The following TINAG variants were observed in gnomAD, a reference collection of about 807,000 sequenced individuals.
TINAG encodes tubulointerstitial nephritis antigen.
Under a neutral mutation model 72.7 loss-of-function variants are expected in TINAG, and 83 were observed. The ratio of observed to expected loss-of-function variants is 1.14; its 90% CI spans 0.96 to 1.37. The LOEUF (loss-of-function observed/expected upper bound fraction) is 1.37. Among genes scored for constraint, TINAG ranks in the 40% most tolerant of loss-of-function variants. The pLI is 0.00. For synonymous variants in TINAG, 234 were observed against 189.9 expected (o/e 1.23, Z -1.91); for missense variants, 685 against 576.6 (o/e 1.19, Z -1.93).
intron 9 of TINAG, among the ~76,000 whole-genome samples, chr6:54,360,028 C>G (rs1162606855): frequency 1.3e-5 from 2 of 151,770 alleles, no homozygotes; most frequent in African/African-American, 4.8e-5. Context: ...ATTTGATCTT[C>G]TATCAAGTGC....
chr6:54,319,304 T>C (rs1267855009), intron 1 of TINAG, among the ~76,000 whole-genome samples: 1 of 152,200 alleles, frequency 6.6e-6, no homozygotes, highest in Non-Finnish European at 1.5e-5. Context: ...AGAATCTCTT[T>C]AAATTAGAAA....
chr6:54,345,713 T>G (rs1263776890), intron 5 of TINAG, among the ~76,000 whole-genome samples: 2 of 152,010 alleles, frequency 1.3e-5, no homozygotes, highest in African/African-American at 4.8e-5. Flanking sequence ...TATATCCTAG[T>G]GCAATAGTAG....
intron 9 of TINAG, among the ~76,000 whole-genome samples, chr6:54,379,404 A>G (rs1763878108): frequency 6.6e-6 from 1 of 152,198 alleles, no homozygotes; most frequent in Non-Finnish European, 1.5e-5. Context: ...AGAAAAATGA[A>G]ATCGTGTACG....
intron 4 of TINAG, among the ~76,000 whole-genome samples, chr6:54,342,671 A>C (rs1412260153): frequency 6.6e-6 from 1 of 152,144 alleles, no homozygotes; most frequent in Non-Finnish European, 1.5e-5. Context: ...CCCAGTCCTG[A>C]AGTCCTTTTT....
At chr6:54,336,877 C>A (rs1361682839) in intron 4 of TINAG, among the ~76,000 whole-genome samples, 1 of 151,910 alleles carries the variant, frequency 6.6e-6, no homozygotes, top group South Asian at 2.1e-4. Flanking sequence ...TTGTTTGAGT[C>A]AATCTCATAG....
At chr6:54,327,054 C>T in intron 4 of TINAG, 138 bp downstream of exon 4, 1 of 1,540,900 alleles carries the variant, frequency 6.5e-7, no homozygotes, top group Non-Finnish European at 8.7e-7. Flanking sequence ...ATAAAAAACC[C>T]TTTCCCTAAA....
At chr6:54,324,973 CCT>C (rs1784571011) in intron 3 of TINAG, among the ~76,000 whole-genome samples, 1 of 152,112 alleles carries the variant, frequency 6.6e-6, no homozygotes, top group East Asian at 1.9e-4. Flanking sequence ...GTTTTCAGCC[CCT>C]GTGTCCCTAT....
intron 9 of TINAG, among the ~76,000 whole-genome samples, chr6:54,357,835 T>C (rs1763102040): frequency 6.6e-6 from 1 of 151,846 alleles, no homozygotes; most frequent in African/African-American, 2.4e-5. Flanking sequence ...GAAAACAGGG[T>C]TTTCCTTTTA....
At chr6:54,315,955 G>A (rs2840121) in intron 1 of TINAG, among the ~76,000 whole-genome samples, 66,455 of 151,958 alleles carry the variant, frequency 0.44, 16,094 homozygotes, top group Middle Eastern at 0.58. Flanking sequence ...TTACAATGAA[G>A]GTAAATCACA....
chr6:54,334,728 T>C (rs1784819966), intron 4 of TINAG, among the ~76,000 whole-genome samples: 1 of 152,194 alleles, frequency 6.6e-6, no homozygotes, highest in African/African-American at 2.4e-5. Flanking sequence ...TGGCCAATGC[T>C]AATTGGAACT....
chr6:54,345,539 T>G (rs1304161792), intron 5 of TINAG, among the ~76,000 whole-genome samples: 2 of 152,154 alleles, frequency 1.3e-5, no homozygotes, highest in Non-Finnish European at 2.9e-5. Flanking sequence ...AAAAGTATTT[T>G]CTGAATGAAA....
intron 9 of TINAG, among the ~76,000 whole-genome samples, chr6:54,359,992 T>C (rs774443329): frequency 4.7e-4 from 71 of 151,842 alleles, no homozygotes; most frequent in Admixed American, 1.1e-3. Flanking sequence ...GGTGAAACTA[T>C]TAGATTAAAC....
chr6:54,337,006 CTTTA>C (rs1784880066), intron 4 of TINAG, among the ~76,000 whole-genome samples: 1 of 151,592 alleles, frequency 6.6e-6, no homozygotes, highest in African/African-American at 2.4e-5. Context: ...TAAAATAATA[CTTTA>C]TTTATTTTAT....
Position 54,387,800 on chromosome 6 carries a change from A to G in TINAG, c.1297-1991A>G, listed in dbSNP as rs145565992. On this transcript the variant is annotated intron_variant, in intron 10 of 10. Transcript: ENST00000259782. ...ATTTCCTTTATAATTAAATACAAAC[A>G]AATGTAGGCATTTGGAAGAAACAAA... Among the ~76,000 whole-genome samples the G allele has an allele frequency of 7.7e-3, 1,167 of 152,328 alleles. 14 individuals are homozygous for G. Among genetic ancestry groups the G allele is most frequent in the African/African-American group, 0.025 (1,051 of 41,582 alleles).
intron 1 of TINAG, among the ~76,000 whole-genome samples, chr6:54,315,653 G>T (rs1784355375): frequency 6.6e-6 from 1 of 151,248 alleles, no homozygotes; most frequent in Non-Finnish European, 1.5e-5. Flanking sequence ...CTCTAGCCTG[G>T]ATGACAGAAT....
intron 4 of TINAG, among the ~76,000 whole-genome samples, chr6:54,341,562 C>T (rs1784996379): frequency 6.6e-6 from 1 of 151,932 alleles, no homozygotes; most frequent in Non-Finnish European, 1.5e-5. Context: ...ACTGAACTCC[C>T]CTATTAAAAT....
At chr6:54,370,314 G>C (rs1428880113) in intron 9 of TINAG, among the ~76,000 whole-genome samples, 1 of 151,924 alleles carries the variant, frequency 6.6e-6, no homozygotes, top group Non-Finnish European at 1.5e-5. Context: ...GTGTATTAAA[G>C]GTGGTGAAAA....
chr6:54,361,706 G>A (rs1763242388), intron 9 of TINAG, among the ~76,000 whole-genome samples: 1 of 151,670 alleles, frequency 6.6e-6, no homozygotes, highest in South Asian at 2.1e-4. Context: ...AAGACATGTT[G>A]TTGGAGATTG....
chr6:54,383,915 G>A (rs1764022191), intron 10 of TINAG, among the ~76,000 whole-genome samples: 1 of 151,924 alleles, frequency 6.6e-6, no homozygotes. Context: ...CATGTTTATT[G>A]CAGCACTGTT....
Sources: gnomAD v4.1 joint callset for allele counts (sites outside exome capture counted in the v4.1 genomes callset) on GRCh38, gnomAD v4.1.1 for gene constraint, MANE v1.5 for transcripts, NCBI Gene and HGNC (gene_info 2026-07-23, HGNC 2026-07-21) for gene names.